The following RAPGEF5 variants were observed in gnomAD, a reference collection of about 807,000 sequenced individuals.
The protein encoded by RAPGEF5 is Rap guanine nucleotide exchange factor 5.
In RAPGEF5, 65 loss-of-function variants were observed where a neutral mutation model predicts 125.2. That is an observed-to-expected ratio of 0.52 (90% confidence interval 0.43 to 0.64). RAPGEF5 has a LOEUF of 0.64. Ranked by LOEUF, RAPGEF5 falls within the 30% of genes least tolerant of loss-of-function variation. The probability of loss-of-function intolerance (pLI) is 0.00; values close to 1 mark genes in which losing one functional copy is unlikely to be tolerated. For missense variants in RAPGEF5, 958 were observed against 1,048.1 expected (o/e 0.91, Z 1.19); for synonymous variants, 391 against 385.9 (o/e 1.01, Z -0.16).
intron 7 of RAPGEF5, among the ~76,000 whole-genome samples, chr7:22,248,019 A>G (rs1218918987): frequency 6.6e-6 from 1 of 152,184 alleles, no homozygotes; most frequent in Non-Finnish European, 1.5e-5. Flanking sequence ...ATTACGTACC[A>G]TGCTCAGTAC....
Position 22,308,589 on chromosome 7 carries a change from C to T in RAPGEF5, c.512-82G>A, listed in dbSNP as rs932266767. The T allele has an allele frequency of 1.5e-5, 17 of 1,168,748 alleles. No homozygotes were observed. In the African/African-American group the frequency reaches 2.5e-4, roughly 17 times the overall value. The allele number at this position is 1,168,748 out of a possible 1,614,324, so 72.4% of individuals were successfully genotyped here. On this transcript the variant is annotated intron_variant, in intron 4 of 25. Transcript: ENST00000665637. ...AATAACTCAAATGATAAATTGAAAG[C>T]CCTAATAATTGGGAGCAATCAGGGT...
chr7:22,159,822 C>T (rs1783925950), intron 14 of RAPGEF5, among the ~76,000 whole-genome samples: 1 of 14,128 alleles, frequency 7.1e-5, no homozygotes, highest in South Asian at 2.8e-3. Flanking sequence ...TTAAAATGCT[C>T]CACAGGCCGG....
chr7:22,199,584 G>A (rs925412499), intron 9 of RAPGEF5, among the ~76,000 whole-genome samples: 2 of 141,124 alleles, frequency 1.4e-5, no homozygotes, highest in Admixed American at 7.4e-5. Context: ...TGAGTCTGTG[G>A]ACACAGATTT....
chr7:22,248,223 G>A (rs567131219), intron 7 of RAPGEF5, among the ~76,000 whole-genome samples: 1 of 152,274 alleles, frequency 6.6e-6, no homozygotes, highest in Admixed American at 6.5e-5. Context: ...GAGGGGCCCG[G>A]ATCATTCCAA....
At chr7:22,258,113 G>A (rs376153449) in intron 7 of RAPGEF5, among the ~76,000 whole-genome samples, 112 of 152,164 alleles carry the variant, frequency 7.4e-4, no homozygotes, top group African/African-American at 2.6e-3. Context: ...ACACAAAATC[G>A]AAAATTCTCA....
chr7:22,212,510 G>A (rs1000563757), intron 9 of RAPGEF5, among the ~76,000 whole-genome samples: 5 of 152,166 alleles, frequency 3.3e-5, no homozygotes, highest in African/African-American at 1.2e-4. Flanking sequence ...GATGTATCAG[G>A]GCAGTCCTTC....
At chr7:22,166,317 C>G (rs1784164976) in intron 12 of RAPGEF5, among the ~76,000 whole-genome samples, 1 of 151,974 alleles carries the variant, frequency 6.6e-6, no homozygotes, top group South Asian at 2.1e-4. Context: ...TCTTCAGTTT[C>G]ATTTAATAAA....
chr7:22,333,346 T>C (rs954584315), intron 1 of RAPGEF5, among the ~76,000 whole-genome samples: 2 of 152,064 alleles, frequency 1.3e-5, no homozygotes, highest in African/African-American at 2.4e-5. Context: ...ATTCAGTGCA[T>C]GGGATATACT....
At chr7:22,242,614 GC>G (rs1786361271) in intron 7 of RAPGEF5, among the ~76,000 whole-genome samples, 1 of 152,180 alleles carries the variant, frequency 6.6e-6, no homozygotes, top group South Asian at 2.1e-4. Flanking sequence ...ACTGAAACCA[GC>G]CCCAGGAAGC....
intron 6 of RAPGEF5, among the ~76,000 whole-genome samples, chr7:22,288,503 T>A (rs1387084053): frequency 1.3e-5 from 2 of 150,718 alleles, no homozygotes; most frequent in African/African-American, 4.9e-5. Context: ...ACTGATTTTT[T>A]AAAAATCAAT....
intron 17 of RAPGEF5, among the ~76,000 whole-genome samples, chr7:22,153,363 C>T (rs1445544053): frequency 1.3e-5 from 2 of 152,072 alleles, no homozygotes; most frequent in African/African-American, 4.8e-5. Flanking sequence ...TATTAAAAAT[C>T]GAACCACTCT....
intron 14 of RAPGEF5, among the ~76,000 whole-genome samples, chr7:22,158,315 C>G (rs982235804): frequency 5.3e-5 from 8 of 152,202 alleles, no homozygotes; most frequent in Admixed American, 2.6e-4. Context: ...CAAGGCACAT[C>G]TTCTCCAGGA....
intron 21 of RAPGEF5, among the ~76,000 whole-genome samples, chr7:22,137,946 T>C (rs1355211700): frequency 6.6e-6 from 1 of 151,986 alleles, no homozygotes; most frequent in Non-Finnish European, 1.5e-5. Flanking sequence ...TTCGATGTGG[T>C]AATTTTGAAT....
rs58681076 is a variant in RAPGEF5, at chr7:22,251,775, C to CAAAAAAAAAAAAAA, written c.796+15175_796+15188dup. 6.8e-5 allele frequency among the ~76,000 whole-genome samples: 5 copies of CAAAAAAAAAAAAAA among 73,348 alleles called. 1 individual carries two copies. The highest frequency in any genetic ancestry group is 1.6e-4 in the African/African-American group (3 of 19,232). The allele number at this position is 73,348 out of a possible 152,430, so 48.1% of individuals were successfully genotyped here. A position where few individuals can be genotyped will look rare whatever the true frequency, so the allele number is the denominator to read the frequency against. On this transcript the variant is annotated intron_variant, in intron 7 of 25. Coordinates refer to ENST00000665637, the MANE Select transcript of RAPGEF5 (RefSeq NM_012294.5). ...GAGCCCTGCCAGGAAGTTTCATTGA[C>CAAAAAAAAAAAAAA]AAAAAAAAAAAAAAAAAAAAAAAAG... is the stretch of plus-strand genomic sequence containing the variant.
chr7:22,220,127 G>C (rs755421691), intron 8 of RAPGEF5, 136 bp from the exon 9 acceptor site: 3 of 1,218,544 alleles, frequency 2.5e-6, no homozygotes, highest in Non-Finnish European at 3.4e-6. Flanking sequence ...AAAATATTTT[G>C]CCTTTCAAAA....
intron 7 of RAPGEF5, among the ~76,000 whole-genome samples, chr7:22,266,328 T>C (rs1261660593): frequency 1.3e-5 from 2 of 152,158 alleles, no homozygotes; most frequent in Non-Finnish European, 2.9e-5. Flanking sequence ...ATTCCTCCCA[T>C]CTAAGCAAGC....
chr7:22,200,308 A>T (rs1785247249), intron 9 of RAPGEF5, among the ~76,000 whole-genome samples: 1 of 152,230 alleles, frequency 6.6e-6, no homozygotes. Flanking sequence ...AAAAAAAAGT[A>T]AACAGATGTT....
chr7:22,227,366 AC>A (rs1192130189), intron 8 of RAPGEF5, among the ~76,000 whole-genome samples: 5 of 152,214 alleles, frequency 3.3e-5, no homozygotes, highest in Admixed American at 3.3e-4. Context: ...TTATAGTCTG[AC>A]TACTGATAAA....
intron 9 of RAPGEF5, among the ~76,000 whole-genome samples, chr7:22,205,158 T>A (rs1047334587): frequency 1.3e-5 from 2 of 152,224 alleles, no homozygotes; most frequent in African/African-American, 4.8e-5. Context: ...CCAGGTAAGA[T>A]CTTTGCTCCA....
Sources: allele counts gnomAD v4.1 joint callset (sites outside exome capture counted in the v4.1 genomes callset), GRCh38; gene constraint gnomAD v4.1.1; transcripts MANE v1.5; gene names NCBI Gene and HGNC (gene_info 2026-07-23, HGNC 2026-07-21).